Variants in DIP2A observed in about 807,000 individuals in gnomAD.
DIP2A encodes disco-interacting protein 2 homolog A.
Under a neutral mutation model 177.4 loss-of-function variants are expected in DIP2A, and 85 were observed. The observed-to-expected ratio is 0.48, with a 90% CI of 0.40 to 0.57. The LOEUF (loss-of-function observed/expected upper bound fraction) is 0.57, where lower values mean the gene tolerates loss of function less well. Ranked by LOEUF, DIP2A falls within the 20% of genes least tolerant of loss-of-function variation. The probability of loss-of-function intolerance (pLI) is 0.00; values close to 1 mark genes in which losing one functional copy is unlikely to be tolerated. For missense variants in DIP2A, 1,791 were observed against 2,100.2 expected (o/e 0.85, Z 2.88); for synonymous variants, 886 against 881.8 (o/e 1.00, Z -0.08).
chr21:46,548,160 G>A (rs1309109541), intron 21 of DIP2A, among the ~76,000 whole-genome samples: 1 of 151,978 alleles, frequency 6.6e-6, no homozygotes, highest in Non-Finnish European at 1.5e-5. Context: ...GGGAAGGGCA[G>A]GCTGTGCTCA....
chr21:46,470,262 G>A (rs1053885490), intron 1 of DIP2A, among the ~76,000 whole-genome samples: 63 of 152,198 alleles, frequency 4.1e-4, no homozygotes, highest in Non-Finnish European at 7.4e-4. Context: ...ATCACCTGGG[G>A]TTGGGAGTTC....
Position 46,557,962 on chromosome 21 carries a change from T to TG in DIP2A, c.3798+215dup, listed in dbSNP as rs1387348112. 6.6e-6 allele frequency among the ~76,000 whole-genome samples: 1 copy of TG among 151,100 alleles called. No homozygotes were observed. The highest frequency in any genetic ancestry group is 2.1e-4 in the South Asian group (1 of 4,746). On this transcript the variant is annotated intron_variant, in intron 31 of 37. Coordinates refer to ENST00000417564, the MANE Select transcript of DIP2A (RefSeq NM_015151.4). The surrounding 1 kb of genome is among the most constrained non-coding windows in gnomAD (Gnocchi z 6.0). Reference sequence around the variant, plus strand: ...CTCCACACCCCGCAGGAGAGGAGGGTGGGGGGTAGGGCAGGGTCCCTGCGA... The same window carrying TG: ...CTCCACACCCCGCAGGAGAGGAGGGTGGGGGGGTAGGGCAGGGTCCCTGCGA...
intron 19 of DIP2A, 98 bp from the exon 20 acceptor site, chr21:46,545,783 C>T (rs532215545): frequency 8.3e-5 from 116 of 1,391,450 alleles, no homozygotes; most frequent in African/African-American, 1.1e-4. Context: ...GGCCAGCAGG[C>T]GCACACGTGG....
chr21:46,484,254 A>G (rs2056542932), intron 1 of DIP2A, among the ~76,000 whole-genome samples: 1 of 152,174 alleles, frequency 6.6e-6, no homozygotes, highest in Non-Finnish European at 1.5e-5. Flanking sequence ...GGGGATGGTG[A>G]TCACAATTTT....
rs929447596 is a variant in DIP2A, at chr21:46,560,777, A to G, written c.4025A>G (p.His1342Arg). 1.9e-5 allele frequency: 30 copies of G among 1,605,226 alleles called. No individual in the cohort carries two copies. The highest frequency in any genetic ancestry group is 5.1e-5 in the Admixed American group (3 of 58,900). ...TACGTGGACATGCGGGCACTGCGCC[A>G]TGACAGGTAATGCTCCCAGCCTGCC... is the stretch of plus-strand genomic sequence containing the variant. The part of the protein sequence containing the change: ...TVYVDMRALR[H>R]DRVRLVERGS... Residue 1342 changes from histidine to arginine, a missense_variant, in exon 33 of 38, where the codon CAT becomes CGT. Physicochemically the swap from His to Arg is conservative, Grantham distance 29. Transcript: ENST00000417564.
At chr21:46,489,288 C>T (rs1487685887) in intron 2 of DIP2A, among the ~76,000 whole-genome samples, 2 of 152,348 alleles carry the variant, frequency 1.3e-5, no homozygotes, top group East Asian at 3.9e-4. Flanking sequence ...CATAAATGTG[C>T]AGTGTAGGCC....
chr21:46,574,418 T>C (rs1166934142), downstream of DIP2A, among the ~76,000 whole-genome samples: 1 of 151,866 alleles, frequency 6.6e-6, no homozygotes, highest in Non-Finnish European at 1.5e-5. Flanking sequence ...CATTACAACT[T>C]AAGAAACTAA....
At chr21:46,528,434 G>A (rs1168594206) in intron 8 of DIP2A, among the ~76,000 whole-genome samples, 1 of 146,216 alleles carries the variant, frequency 6.8e-6, no homozygotes, top group Non-Finnish European at 1.5e-5. Flanking sequence ...AATTTTACAG[G>A]CATGTATACG....
downstream of DIP2A, among the ~76,000 whole-genome samples, chr21:46,574,829 A>C (rs551030548): frequency 3.2e-4 from 48 of 152,284 alleles, no homozygotes; most frequent in Non-Finnish European, 6.6e-4. Context: ...CAAAAACCTG[A>C]TGGCTTCATT....
In DIP2A at chr21:46,511,505, A is replaced by T; in HGVS notation, c.993A>T (p.Arg331=). 6.2e-7 allele frequency: 1 copy of T among 1,612,942 alleles called. No individual in the cohort carries two copies. Among genetic ancestry groups the T allele is most frequent in the Non-Finnish European group, 8.5e-7 (1 of 1,179,510 alleles). The part of the protein sequence containing the change: ...RGEPLTAGVP[R]PPSLLATLQR... ...AGCCTCTCACTGCAGGTGTCCCCCG[A>T]CCGCCGTCGCTGTTGGCCACCTTGC... The change falls in exon 8 of 38, where the codon CGA becomes CGT. Residue 331 remains arginine (R), a synonymous_variant. Transcript: ENST00000417564.
chr21:46,540,801 G>C (rs2059783527), intron 17 of DIP2A, among the ~76,000 whole-genome samples: 1 of 152,046 alleles, frequency 6.6e-6, no homozygotes, highest in African/African-American at 2.4e-5. Context: ...ATCACCTTAG[G>C]TTAGGAGTTC....
rs559490109 is a variant in DIP2A at position 46,558,507 on chromosome 21, G to A, written c.3969+114G>A. 1.0e-4 allele frequency: 109 copies of A among 1,066,190 alleles called. No individual in the cohort carries two copies. In the East Asian group the frequency reaches 2.4e-3, roughly 23 times the overall value. The allele number at this position is 1,066,190 out of a possible 1,614,324, so 66.0% of individuals were successfully genotyped here. A position where few individuals can be genotyped will look rare whatever the true frequency, so the allele number is the denominator to read the frequency against. ...CCGCCTGATCTATTTCTCCTTCTCT[G>A]GGCCTTTGATATCTCATTTCCATGT... On this transcript the variant is annotated intron_variant, in intron 32 of 37. Coordinates refer to ENST00000417564, the MANE Select transcript of DIP2A (RefSeq NM_015151.4).
At chr21:46,572,268 C>T (rs2060974254), downstream of DIP2A, among the ~76,000 whole-genome samples, 1 of 152,106 alleles carries the variant, frequency 6.6e-6, no homozygotes, top group East Asian at 1.9e-4. Context: ...TATAAAGTTA[C>T]AGTAAGCTAA....
At chr21:46,554,778 C>T in intron 27 of DIP2A, 44 bp from the exon 28 acceptor site, 2 of 1,542,680 alleles carry the variant, frequency 1.3e-6, no homozygotes, top group Non-Finnish European at 1.7e-6. Flanking sequence ...TTCTGGGCAG[C>T]TTGAGAGGCC....
chr21:46,504,191 G>A (rs1464721396), intron 5 of DIP2A, 170 bp from the exon 6 acceptor site: 3 of 843,038 alleles, frequency 3.6e-6, no homozygotes, highest in East Asian at 2.7e-5. Flanking sequence ...GGAGTTCATA[G>A]GGTCCCAGTA....
At position 46,490,052 on chromosome 21, in the gene DIP2A, A is replaced by T. The variant is rs535966458; in HGVS notation, c.164-548A>T. Among the ~76,000 whole-genome samples the T allele has an allele frequency of 4.0e-3, 607 of 152,302 alleles. 8 individuals carry two copies. Among genetic ancestry groups the T allele is most frequent in the African/African-American group, 0.014 (581 of 41,570 alleles). On this transcript the variant is annotated intron_variant, in intron 2 of 37. Transcript: ENST00000417564. ...CGGCCTGAGCAGGTCCCAGCCTCTC[A>T]GCACTTTGGGCCCTGACGCCATCTT...
chr21:46,559,815 C>T (rs1392598880), intron 32 of DIP2A, among the ~76,000 whole-genome samples: 1 of 152,208 alleles, frequency 6.6e-6, no homozygotes, highest in Non-Finnish European at 1.5e-5. Context: ...CACTCTGCTG[C>T]CTCCTTGGCC....
intron 5 of DIP2A, among the ~76,000 whole-genome samples, chr21:46,501,692 G>A (rs937480874): frequency 1.3e-5 from 2 of 152,120 alleles, no homozygotes; most frequent in Non-Finnish European, 2.9e-5. Context: ...CAAAATGTTA[G>A]GATTATAGGA....
chr21:46,551,447 C>T (rs2060268726), intron 23 of DIP2A, among the ~76,000 whole-genome samples, 187 bp from the exon 24 acceptor site: 1 of 151,512 alleles, frequency 6.6e-6, no homozygotes, highest in Non-Finnish European at 1.5e-5. Context: ...AGTTTATGTT[C>T]AAGAGAGAAA....
Sources: allele counts gnomAD v4.1 joint callset (sites outside exome capture counted in the v4.1 genomes callset), GRCh38; gene constraint gnomAD v4.1.1; non-coding constraint Gnocchi (gnomAD v3.1); transcripts MANE v1.5; gene names NCBI Gene and HGNC (gene_info 2026-07-23, HGNC 2026-07-21).